RRP12: variants seen among roughly 807,000 people sequenced by gnomAD.
The protein encoded by RRP12 is RRP12-like protein.
In RRP12, 78 loss-of-function variants were observed where a neutral mutation model predicts 157.3. That is an observed-to-expected ratio of 0.50 (90% CI 0.41 to 0.60). The LOEUF is 0.60. RRP12 is among the 20% of genes least tolerant of loss of function. RRP12 has a pLI of 0.00. For synonymous variants in RRP12, 726 were observed against 670.9 expected, an observed-to-expected ratio of 1.08 and a Z score of -1.27; for missense variants, 1,521 against 1,679.9, an observed-to-expected ratio of 0.91 and a Z score of 1.65.
intron 33 of RRP12, among the ~76,000 whole-genome samples, chr10:97,357,963 A>C (rs1309605671): frequency 7.9e-6 from 1 of 126,112 alleles, no homozygotes; most frequent in South Asian, 2.4e-4. Context: ...ACTCCGTCTC[A>C]AAAAAAAAAA....
At chr10:97,370,899 A>G (rs376271743) in intron 21 of RRP12, 24 bp downstream of exon 21, 1 of 1,613,020 alleles carries the variant, frequency 6.2e-7, no homozygotes, top group Non-Finnish European at 8.5e-7. Flanking sequence ...CCCTCGGCAG[A>G]GCGGGTGGCC....
intron 17 of RRP12, 125 bp from the exon 18 acceptor site, chr10:97,373,325 G>A: frequency 8.9e-7 from 1 of 1,121,166 alleles, no homozygotes; most frequent in Non-Finnish European, 1.3e-6. Context: ...CATGGGTTTG[G>A]GGCTCTCTGT....
chr10:97,374,545 G>A (rs113563610), intron 15 of RRP12, among the ~76,000 whole-genome samples: 36,360 of 151,588 alleles, frequency 0.24, 5,224 homozygotes, highest in East Asian at 0.39. Flanking sequence ...GGCTGAGGCG[G>A]GCAGATCATG....
chr10:97,392,646 G>A (rs937179311), intron 4 of RRP12, among the ~76,000 whole-genome samples: 2 of 151,608 alleles, frequency 1.3e-5, no homozygotes, highest in African/African-American at 4.8e-5. Context: ...ACTGCGTCCA[G>A]CCATGACTTT....
chr10:97,373,978 A>G (rs542308412), intron 15 of RRP12, 84 bp from the exon 16 acceptor site: 20 of 1,124,958 alleles, frequency 1.8e-5, no homozygotes, highest in Admixed American at 1.4e-4. Flanking sequence ...CAAAAGCCCA[A>G]TGATGAGGAC....
At chr10:97,365,148 G>A (rs1843938890) in intron 29 of RRP12, among the ~76,000 whole-genome samples, 2 of 152,140 alleles carry the variant, frequency 1.3e-5, no homozygotes, top group African/African-American at 4.8e-5. Context: ...TCGTGTGGCT[G>A]GTGAGTTGGG....
At chr10:97,383,803 A>G (rs1298994515) in intron 10 of RRP12, among the ~76,000 whole-genome samples, 1 of 152,206 alleles carries the variant, frequency 6.6e-6, no homozygotes, top group Non-Finnish European at 1.5e-5. Flanking sequence ...CAGGAAACTG[A>G]GTGCACAGGA....
At chr10:97,381,315 A>G in intron 12 of RRP12, 71 bp downstream of exon 12, 1 of 1,099,982 alleles carries the variant, frequency 9.1e-7, no homozygotes, top group East Asian at 2.5e-5. Flanking sequence ...TGGAGAGTGG[A>G]GCATTCGTAT....
chr10:97,372,943 CA>C, intron 18 of RRP12, 102 bp downstream of exon 18: 1 of 1,462,492 alleles, frequency 6.8e-7, no homozygotes, highest in South Asian at 1.2e-5. Context: ...TGCTCCAAAA[CA>C]CAGAGACCCA....
Position 97,388,116 on chromosome 10 carries a change from C to T in RRP12, c.1017+136G>A. 6 of 1,122,986 alleles carry T rather than the reference C, an allele frequency of 5.3e-6. No individual in the cohort carries two copies. In the East Asian group the frequency reaches 7.2e-5, roughly 13 times the overall value. The allele number at this position is 1,122,986 out of a possible 1,614,324, so 69.6% of individuals were successfully genotyped here. On this transcript the variant is annotated intron_variant, in intron 8 of 33. Coordinates refer to ENST00000370992, the MANE Select transcript of RRP12 (RefSeq NM_015179.4). ...GGCCTAGCCAAACACCACAGAGTAA[C>T]GTAGTGCTGTTGGTTTTAGCTTAAG...
chr10:97,393,488 C>A, intron 4 of RRP12, 196 bp downstream of exon 4: 1 of 689,876 alleles, frequency 1.4e-6, no homozygotes, highest in Non-Finnish European at 2.6e-6. Flanking sequence ...TCAGGACAGC[C>A]TAGTTTAGTT....
At chr10:97,397,213 T>G (rs1238455179) in intron 2 of RRP12, among the ~76,000 whole-genome samples, 2 of 151,992 alleles carry the variant, frequency 1.3e-5, no homozygotes, top group East Asian at 3.9e-4. Context: ...CAGGGTGGAA[T>G]GCAGTGGCGC....
chr10:97,393,073 C>T (rs1306806728), intron 4 of RRP12: 2 of 257,324 alleles, frequency 7.8e-6, no homozygotes, highest in Admixed American at 8.6e-5. Context: ...GGCGGGGTTT[C>T]ACCATGTTGG....
intron 19 of RRP12, 81 bp downstream of exon 19, chr10:97,372,648 CAAGAGGG>C: frequency 9.5e-7 from 1 of 1,057,954 alleles, no homozygotes; most frequent in South Asian, 1.4e-5. Context: ...TTAAATAATG[CAAGAGGG>C]AACCCACAGT....
chr10:97,372,907 CTGCCCAAGCCA>C (rs1296582657), intron 18 of RRP12, 104 bp from the exon 19 acceptor site: 1 of 1,440,448 alleles, frequency 6.9e-7, no homozygotes, highest in African/African-American at 1.4e-5. Context: ...GCCCCCAGCC[CTGCCCAAGCCA>C]TGACTGCTGG....
Position 97,379,700 on chromosome 10 carries a change from A to G in RRP12, c.1604T>C (p.Val535Ala), listed in dbSNP as rs749109129. ...FPHTAALDQA[V>A]GAAVTSMGPE... is the part of the protein sequence containing the mutation. The stretch of plus-strand genomic sequence containing the variant: ...TCCCATACTGGTCACCGCAGCCCCC[A>G]CTGCCTGGTCAAGAGCCGCCGTGTG... Residue 535 changes from valine (V) to alanine (A), a missense_variant, in exon 14 of 34, where the codon GTG becomes GCG. Coordinates refer to ENST00000370992, the MANE Select transcript of RRP12 (RefSeq NM_015179.4). The G allele has an allele frequency of 6.2e-7, 1 of 1,613,972 alleles. No individual in the cohort carries two copies. Among genetic ancestry groups the G allele is most frequent in the South Asian group, 1.1e-5 (1 of 91,074 alleles).
chr10:97,401,156 T>C lies in RRP12; in HGVS notation c.76A>G (p.Ser26Gly). 1 of 1,614,154 alleles carries C rather than the reference T, an allele frequency of 6.2e-7. No individual in the cohort carries two copies. The highest frequency in any genetic ancestry group is 8.5e-7 in the Non-Finnish European group (1 of 1,180,028). ...CGGTGGCGGCAGATGGCGGGGTTGCTGTCGCTGCTGTGGCCTTTCTTCCAG... is the reference window on the plus strand; with the variant it reads ...CGGTGGCGGCAGATGGCGGGGTTGCCGTCGCTGCTGTGGCCTTTCTTCCAG... ...KRWKKGHSSDSNPAICRHRQA... is the reference protein window; with the variant it reads ...KRWKKGHSSDGNPAICRHRQA... Residue 26 changes from serine (S) to glycine (G), a missense_variant, in exon 1 of 34, where the codon AGC (serine) becomes GGC (glycine). Physicochemically the swap from Ser to Gly is moderately conservative, Grantham distance 56. Transcript: ENST00000370992.
chr10:97,366,579 AT>A lies in RRP12; in HGVS notation c.3257del (p.Asn1086MetfsTer24), dbSNP rs1843987926. On this transcript the variant is annotated frameshift_variant, in exon 28 of 34. Coordinates refer to ENST00000370992, the MANE Select transcript of RRP12 (RefSeq NM_015179.4). LOFTEE classifies it high-confidence loss of function. ...TGCCTCGGCTTCTTTCCTCCTCCTC[AT>A]TGTCCTCCTCGTCCTCTGAGTCAGC... ...ILADSEDEEDNEEEERSRGKE... is the reference protein window; with the variant it reads ...ILADSEDEEDXEEEERSRGKE... The A allele has an allele frequency of 6.2e-7, 1 of 1,612,990 alleles. No individual in the cohort carries two copies. Among genetic ancestry groups the A allele is most frequent in the Non-Finnish European group, 8.5e-7 (1 of 1,179,760 alleles).
intron 31 of RRP12, 45 bp from the exon 32 acceptor site, chr10:97,359,055 GC>G: frequency 1.3e-6 from 2 of 1,526,434 alleles, no homozygotes; most frequent in South Asian, 1.1e-5. Context: ...AGCCAGGGCA[GC>G]CCCCTCCAGA....
Sources: allele counts gnomAD v4.1 joint callset (sites outside exome capture counted in the v4.1 genomes callset), GRCh38; gene constraint gnomAD v4.1.1; transcripts MANE v1.5; gene names NCBI Gene and HGNC (gene_info 2026-07-23, HGNC 2026-07-21).